PHACTR4: variants seen among roughly 807,000 people sequenced by gnomAD.
PHACTR4 encodes protein phosphatase 1, regulatory subunit 124.
In PHACTR4, 51 loss-of-function variants were observed where a neutral mutation model predicts 72.7. That is an observed-to-expected ratio of 0.70 (90% CI 0.56 to 0.89). PHACTR4 has a LOEUF of 0.89. Ranked by LOEUF, PHACTR4 falls within the 40% of genes least tolerant of loss-of-function variation. PHACTR4 has a pLI of 0.00. For missense variants in PHACTR4, 731 were observed against 861.8 expected (o/e 0.85, Z 1.90); for synonymous variants, 255 against 302.5 (o/e 0.84, Z 1.63).
At position 28,446,510 on chromosome 1, in the gene PHACTR4, G is replaced by C. The variant is rs1657478992; in HGVS notation, c.17-12575G>C. On this transcript the variant is annotated intron_variant, in intron 2 of 13. Coordinates refer to ENST00000373839, the MANE Select transcript of PHACTR4 (RefSeq NM_001048183.3). The stretch of plus-strand genomic sequence containing the variant: ...TAAAAGTGTGTGGAGGCTGGGTGCA[G>C]TGGCTCATGCCTGTAATCCCAGCAC... Among the ~76,000 whole-genome samples, 3 of 152,224 alleles carry C rather than the reference G, an allele frequency of 2.0e-5. No homozygotes were observed. The South Asian group carries it at 6.2e-4, about 32-fold the overall frequency.
intron 2 of PHACTR4, among the ~76,000 whole-genome samples, chr1:28,412,019 T>C (rs2124304486): frequency 6.6e-6 from 1 of 152,308 alleles, no homozygotes; most frequent in East Asian, 1.9e-4. Context: ...CTCTAGGACC[T>C]TTTCTACCTG....
chr1:28,391,878 A>AT (rs1477911465), intron 1 of PHACTR4, among the ~76,000 whole-genome samples: 1 of 152,110 alleles, frequency 6.6e-6, no homozygotes, highest in Non-Finnish European at 1.5e-5. Context: ...AAGTGCTGGG[A>AT]TTAGAGGTGT....
At chr1:28,381,899 A>C (rs910870415) in intron 1 of PHACTR4, among the ~76,000 whole-genome samples, 11 of 151,994 alleles carry the variant, frequency 7.2e-5, no homozygotes, top group African/African-American at 2.7e-4. Context: ...CAGCCTCCTG[A>C]GTAGCTGGGA....
Position 28,496,692 on chromosome 1 carries a change from T to G in PHACTR4, c.*143T>G. On this transcript the variant is annotated 3_prime_UTR_variant, in exon 14 of 14. Transcript: ENST00000373839. ...TCTGAGGTGGACAGCACTTTGAATGTAGCATTTCACTGGAACAGAGTCTTA... is the reference window on the plus strand; with the variant it reads ...TCTGAGGTGGACAGCACTTTGAATGGAGCATTTCACTGGAACAGAGTCTTA... The G allele has an allele frequency of 1.1e-6, 1 of 947,254 alleles. No individual in the cohort carries two copies. Among genetic ancestry groups the G allele is most frequent in the Admixed American group, 1.8e-5 (1 of 54,190 alleles). 58.7% of individuals were successfully genotyped at this position (947,254 alleles called of 1,614,324 possible).
intron 1 of PHACTR4, among the ~76,000 whole-genome samples, chr1:28,393,591 A>G (rs1653231209): frequency 6.6e-6 from 1 of 152,200 alleles, no homozygotes; most frequent in Non-Finnish European, 1.5e-5. Context: ...ACATACAATT[A>G]TGTATAGTAT....
In PHACTR4 at chr1:28,395,818, ATTTTTTTTTTT is replaced by A. The variant is rs754161784; in HGVS notation, c.-38-11578_-38-11568del. Among the ~76,000 whole-genome samples, 3 of 75,004 alleles carry A rather than the reference ATTTTTTTTTTT, an allele frequency of 4.0e-5. No individual in the cohort carries two copies. The South Asian group carries it at 1.0e-3, about 25-fold the overall frequency. The allele number at this position is 75,004 out of a possible 152,430, so 49.2% of individuals were successfully genotyped here. On this transcript the variant is annotated intron_variant, in intron 1 of 13. Transcript: ENST00000373839. ...ACTGTTACAATTACACGCCTGGCTAATTTTTTTTTTTTTTTTTTTTTTTTAGTAGAGACGGG... is the reference window on the plus strand; with the variant it reads ...ACTGTTACAATTACACGCCTGGCTAATTTTTTTTTTTTTAGTAGAGACGGG...
intron 1 of PHACTR4, among the ~76,000 whole-genome samples, chr1:28,401,898 T>C (rs1016097334): frequency 3.9e-5 from 6 of 152,136 alleles, no homozygotes; most frequent in African/African-American, 1.4e-4. Flanking sequence ...TGCATCCAGC[T>C]CTGCTTTACT....
intron 9 of PHACTR4, 84 bp downstream of exon 9, chr1:28,480,688 G>T: frequency 6.4e-7 from 1 of 1,552,736 alleles, no homozygotes. Flanking sequence ...GTTTTTTTGT[G>T]TGTGTTTTGT....
In PHACTR4 at chr1:28,491,796, A is replaced by G. The variant is rs1268543631; in HGVS notation, c.2016+9A>G. 6.2e-7 allele frequency: 1 copy of G among 1,610,784 alleles called. No individual in the cohort carries two copies. Among genetic ancestry groups the G allele is most frequent in the Non-Finnish European group, 8.5e-7 (1 of 1,178,780 alleles). ...TGACCCCTGCTGACAAGGTACCTGG[A>G]AAGCACTCTCTTGCTTTTTTTCTCT... On this transcript the variant is annotated intron_variant, in intron 12 of 13. Coordinates refer to ENST00000373839, the MANE Select transcript of PHACTR4 (RefSeq NM_001048183.3).
At chr1:28,413,748 T>C (rs1298636869) in intron 2 of PHACTR4, among the ~76,000 whole-genome samples, 1 of 152,176 alleles carries the variant, frequency 6.6e-6, no homozygotes. Context: ...TTTTTAAATA[T>C]TGATTTGGTT....
At chr1:28,433,462 CT>C (rs567134987) in intron 2 of PHACTR4, among the ~76,000 whole-genome samples, 149 of 130,450 alleles carry the variant, frequency 1.1e-3, no homozygotes, top group African/African-American at 1.5e-3. Context: ...TTCTTTTTTT[CT>C]TTTTTTTTTT....
intron 1 of PHACTR4, among the ~76,000 whole-genome samples, chr1:28,383,186 C>G (rs1474571601): frequency 6.6e-6 from 1 of 152,098 alleles, no homozygotes; most frequent in Non-Finnish European, 1.5e-5. Flanking sequence ...GCCTTTATTT[C>G]TGAGTTCTCC....
intron 11 of PHACTR4, 109 bp downstream of exon 11, chr1:28,491,121 C>A: frequency 8.7e-7 from 1 of 1,144,662 alleles, no homozygotes; most frequent in Non-Finnish European, 1.3e-6. Context: ...GTAATCCCAG[C>A]ACTTTGGAAG....
intron 2 of PHACTR4, among the ~76,000 whole-genome samples, chr1:28,424,709 C>A (rs566963708): frequency 6.6e-6 from 1 of 151,658 alleles, no homozygotes; most frequent in Admixed American, 6.6e-5. Context: ...AGGATGGTCT[C>A]GATATCCTGA....
intron 2 of PHACTR4, among the ~76,000 whole-genome samples, chr1:28,448,423 G>A (rs1051688180): frequency 4.2e-5 from 6 of 141,544 alleles, no homozygotes; most frequent in African/African-American, 1.7e-4. Context: ...AAAGGGGAAA[G>A]GAAAAAGGAA....
chr1:28,493,108 C>G lies in PHACTR4; in HGVS notation c.2093+17C>G, dbSNP rs777199930. 48 of 1,599,348 alleles carry G rather than the reference C, an allele frequency of 3.0e-5. No individual in the cohort carries two copies. The highest frequency in any genetic ancestry group is 4.0e-5 in the Non-Finnish European group (47 of 1,166,926). ...TTTTACACGGTAAGACCCAAAAGACCCAATCATATATGTGCTAGGTAGAGT... is the reference window on the plus strand; with the variant it reads ...TTTTACACGGTAAGACCCAAAAGACGCAATCATATATGTGCTAGGTAGAGT... On this transcript the variant is annotated intron_variant, in intron 13 of 13. Transcript: ENST00000373839.
intron 2 of PHACTR4, chr1:28,438,523 G>A (rs1331492893): frequency 2.3e-6 from 3 of 1,325,388 alleles, no homozygotes; most frequent in Non-Finnish European, 3.2e-6. Context: ...TTAAACACGA[G>A]AATGTTGATG....
chr1:28,472,779 A>ATTT (rs771078982), intron 6 of PHACTR4, among the ~76,000 whole-genome samples: 1 of 127,590 alleles, frequency 7.8e-6, no homozygotes, highest in Non-Finnish European at 1.7e-5. Context: ...AATTTTTGTA[A>ATTT]TTTTTTTTTT....
chr1:28,459,395 CTTTTTT>C (rs367934288), intron 3 of PHACTR4, 137 bp downstream of exon 3: 751 of 281,860 alleles, frequency 2.7e-3, no homozygotes, highest in Middle Eastern at 7.7e-3. Context: ...TTTCCTTCTT[CTTTTTT>C]TTTTTTTTTT....
Sources: gnomAD v4.1 joint callset for allele counts (sites outside exome capture counted in the v4.1 genomes callset) on GRCh38, gnomAD v4.1.1 for gene constraint, MANE v1.5 for transcripts, NCBI Gene and HGNC (gene_info 2026-07-23, HGNC 2026-07-21) for gene names.